Variants in TRRAP observed in about 807,000 individuals in gnomAD.
TRRAP encodes transformation/transcription domain associated protein, also known as transformation/transcription domain-associated protein.
TRRAP carries 41 observed loss-of-function variants against 438.8 expected under a neutral mutation model. The observed-to-expected ratio is 0.09, with a 90% CI of 0.07 to 0.12. The LOEUF (loss-of-function observed/expected upper bound fraction) is 0.12. TRRAP is among the 10% of genes least tolerant of loss of function. The probability of loss-of-function intolerance (pLI) is 1.00; values close to 1 mark genes in which losing one functional copy is unlikely to be tolerated. For missense variants in TRRAP, 3,122 were observed against 5,055.1 expected (o/e 0.62, Z 11.60); for synonymous variants, 1,994 against 1,962.9 (o/e 1.02, Z -0.42).
chr7:98,976,839 C>T lies in TRRAP; in HGVS notation c.8247+69C>T. ...TGACTTCACACTTTAAATAAATACT[C>T]CTCCCAAATGATTTCAAATGACAGC... is the stretch of plus-strand genomic sequence containing the variant. On this transcript the variant is annotated intron_variant, in intron 55 of 72. Transcript: ENST00000456197. The surrounding 1 kb of genome is among the most constrained non-coding windows in gnomAD (Gnocchi z 4.6). 1.9e-6 allele frequency: 3 copies of T among 1,599,620 alleles called. No individual in the cohort carries two copies. The highest frequency in any genetic ancestry group is 1.3e-5 in the African/African-American group (1 of 74,574).
At position 98,962,414 on chromosome 7, in the gene TRRAP, C is replaced by G. The variant is rs143322478; in HGVS notation, c.6816C>G (p.Pro2272=). The part of the protein sequence containing the change: ...TNYEKATNAN[P]SQLFGTLMIL... ...ACGAGAAGGCCACCAATGCCAATCC[C>G]TCCCAGCTCTTCGGTGAGTGTGTGT... The change falls in exon 47 of 73, where the codon CCC becomes CCG. Residue 2272 remains proline, a synonymous_variant. Transcript: ENST00000456197. 2.9e-5 allele frequency: 47 copies of G among 1,614,130 alleles called. No homozygotes were observed. The African/African-American group carries it at 5.7e-4, about 20-fold the overall frequency.
At chr7:98,879,147 G>C (rs1795304620) in intron 1 of TRRAP, among the ~76,000 whole-genome samples, 3 of 152,146 alleles carry the variant, frequency 2.0e-5, no homozygotes, top group Admixed American at 2.0e-4. Flanking sequence ...GGCGGGGTCT[G>C]GGGGCGGCGG....
chr7:98,964,993 G>A (rs1792086788), intron 48 of TRRAP, among the ~76,000 whole-genome samples: 1 of 152,248 alleles, frequency 6.6e-6, no homozygotes, highest in Non-Finnish European at 1.5e-5. Context: ...TGGCACGCCT[G>A]TGGTCCCAGC....
intron 18 of TRRAP, among the ~76,000 whole-genome samples, chr7:98,914,153 C>G (rs901486343): frequency 6.6e-6 from 1 of 152,040 alleles, no homozygotes; most frequent in Non-Finnish European, 1.5e-5. Flanking sequence ...CTAGCACTTC[C>G]GGAGGCTGAG....
intron 27 of TRRAP, 57 bp downstream of exon 27, chr7:98,933,459 T>C: frequency 3.2e-6 from 5 of 1,559,044 alleles, no homozygotes; most frequent in Non-Finnish European, 4.3e-6. Flanking sequence ...TCTGCTAGCC[T>C]GTCTTTGTAC....
intron 30 of TRRAP, among the ~76,000 whole-genome samples, chr7:98,941,849 A>G (rs1246891029): frequency 6.6e-6 from 1 of 152,142 alleles, no homozygotes; most frequent in Non-Finnish European, 1.5e-5. Flanking sequence ...CGGCTTCTCA[A>G]AGTTTGACAT....
intron 66 of TRRAP, among the ~76,000 whole-genome samples, 165 bp downstream of exon 66, chr7:98,993,902 A>G (rs1793533793): frequency 6.6e-6 from 1 of 152,216 alleles, no homozygotes. Context: ...GCACACTAGT[A>G]CAGCCTTAAA....
intron 11 of TRRAP, among the ~76,000 whole-genome samples, chr7:98,901,683 G>A (rs1399732296): frequency 6.6e-6 from 1 of 152,138 alleles, no homozygotes; most frequent in Non-Finnish European, 1.5e-5. Context: ...CGAGTAGCTA[G>A]GATTACAGGC....
In TRRAP at chr7:98,981,881, A is replaced by G; in HGVS notation, c.8747A>G (p.Glu2916Gly). 2 of 1,609,508 alleles carry G rather than the reference A, an allele frequency of 1.2e-6. No individual in the cohort carries two copies. The highest frequency in any genetic ancestry group is 2.7e-5 in the African/African-American group (2 of 74,966). ...CTCAGCTTCATCGAGCGCCTGGTGG[A>G]GATGGCCAGCAGCCTGGCCATCCGC... ...QQLSFIERLV[E>G]MASSLAIREW... is the part of the protein sequence containing the mutation. The change falls in exon 59 of 73, where the codon GAG becomes GGG. Residue 2916 changes from glutamate (E) to glycine (G), a missense_variant. This residue lies in a region of TRRAP where 992 missense variants were observed against 1,281.2 expected (regional missense o/e 0.77). Transcript: ENST00000456197.
chr7:98,976,841 T>C lies in TRRAP; in HGVS notation c.8247+71T>C, dbSNP rs1584383915. The C allele has an allele frequency of 6.2e-7, 1 of 1,600,022 alleles. No homozygotes were observed. The highest frequency in any genetic ancestry group is 1.7e-5 in the Admixed American group (1 of 59,048). ...ACTTCACACTTTAAATAAATACTCC[T>C]CCCAAATGATTTCAAATGACAGCAC... On this transcript the variant is annotated intron_variant, in intron 55 of 72. Transcript: ENST00000456197. The surrounding 1 kb of genome is among the most constrained non-coding windows in gnomAD (Gnocchi z 4.6).
In TRRAP at chr7:98,976,072, TG is replaced by T; in HGVS notation, c.7840-74del. The T allele has an allele frequency of 6.4e-7, 1 of 1,566,048 alleles. No individual in the cohort carries two copies. Among genetic ancestry groups the T allele is most frequent in the Non-Finnish European group, 8.7e-7 (1 of 1,150,624 alleles). ...CATCGGTAATGTATGAGACAGATCA[TG>T]GGTGTCTTCTGAGCGTGGTTGTGCG... is the stretch of plus-strand genomic sequence containing the variant. On this transcript the variant is annotated intron_variant, in intron 53 of 72. Coordinates refer to ENST00000456197, the MANE Select transcript of TRRAP (RefSeq NM_001375524.1). The surrounding 1 kb of genome is among the most constrained non-coding windows in gnomAD (Gnocchi z 4.6).
rs763439746 is a variant in TRRAP, at chr7:98,976,572, G to A, written c.8049G>A (p.Val2683=). The part of the protein sequence containing the change: ...DCQPSALNCF[V]EAMSQCVPPI... The stretch of plus-strand genomic sequence containing the variant: ...AGCCCAGCGCGCTGAACTGCTTTGT[G>A]GAAGCCATGTCCCAGTGCGTGCCGC... The change falls in exon 55 of 73, where the codon GTG becomes GTA. Residue 2683 remains valine, a synonymous_variant. Transcript: ENST00000456197. The surrounding 1 kb of genome is among the most constrained non-coding windows in gnomAD (Gnocchi z 4.6). The A allele has an allele frequency of 6.2e-7, 1 of 1,614,064 alleles. No homozygotes were observed. Among genetic ancestry groups the A allele is most frequent in the African/African-American group, 1.3e-5 (1 of 74,946 alleles).
At chr7:98,998,070 T>C (rs1793750872) in intron 67 of TRRAP, among the ~76,000 whole-genome samples, 1 of 152,160 alleles carries the variant, frequency 6.6e-6, no homozygotes, top group Admixed American at 6.5e-5. Flanking sequence ...GTGAGTAACA[T>C]GAAGTACATC....
In TRRAP at chr7:98,964,662, A is replaced by G. The variant is rs539451255; in HGVS notation, c.6863A>G (p.Asn2288Ser). 2.5e-6 allele frequency: 4 copies of G among 1,613,948 alleles called. No homozygotes were observed. The highest frequency in any genetic ancestry group is 2.5e-6 in the Non-Finnish European group (3 of 1,179,936). Reference sequence around the variant, plus strand: ...ATGATCCTCAAGTCTGCCTGCAGCAACAACCCCAGCTACATAGACAGGCTG... The same window carrying G: ...ATGATCCTCAAGTCTGCCTGCAGCAGCAACCCCAGCTACATAGACAGGCTG... Reference protein sequence around the residue: ...TLMILKSACSNNPSYIDRLIS... With the variant: ...TLMILKSACSSNPSYIDRLIS... The change falls in exon 48 of 73, where the codon AAC becomes AGC. Residue 2288 changes from asparagine (N) to serine (S), a missense_variant. Physicochemically the swap from Asn to Ser is conservative, Grantham distance 46. Around this residue, in one of 24 missense-constraint regions of TRRAP, gnomAD observed 992 missense variants for 1,281.2 expected, o/e 0.77. Coordinates refer to ENST00000456197, the MANE Select transcript of TRRAP (RefSeq NM_001375524.1).
chr7:98,985,960 C>G (rs1793132444), intron 62 of TRRAP, among the ~76,000 whole-genome samples: 1 of 152,172 alleles, frequency 6.6e-6, no homozygotes. Context: ...TCCCCTCCCC[C>G]TTTCTCTTGA....
intron 40 of TRRAP, among the ~76,000 whole-genome samples, chr7:98,953,906 C>G (rs1404120679): frequency 6.6e-6 from 1 of 152,234 alleles, no homozygotes; most frequent in Admixed American, 6.5e-5. Context: ...CCCATTCCCA[C>G]TCTGCTCTCT....
rs527866162 is a variant in TRRAP at position 98,912,341 on chromosome 7, C to T, written c.2199+128C>T. The T allele has an allele frequency of 4.1e-6, 4 of 966,236 alleles. No homozygotes were observed. In the African/African-American group the frequency reaches 6.7e-5, roughly 16 times the overall value. 59.9% of individuals were successfully genotyped at this position (966,236 alleles called of 1,614,324 possible). A position where few individuals can be genotyped will look rare whatever the true frequency, so the allele number is the denominator to read the frequency against. On this transcript the variant is annotated intron_variant, in intron 18 of 72. Transcript: ENST00000456197. ...CAAGCAATCCACCTGCCTTGATCTC[C>T]CCAGTTTTTGGGACTATAGGCACTC...
At chr7:98,981,039 G>A (rs1034412592) in intron 58 of TRRAP, among the ~76,000 whole-genome samples, 4 of 152,040 alleles carry the variant, frequency 2.6e-5, no homozygotes, top group Non-Finnish European at 5.9e-5. Context: ...GACAGAGGGG[G>A]ACCCTGTCTC....
intron 37 of TRRAP, 85 bp from the exon 38 acceptor site, chr7:98,949,979 C>T: frequency 4.4e-6 from 7 of 1,585,950 alleles, no homozygotes; most frequent in Non-Finnish European, 5.2e-6. Flanking sequence ...GGCTGTGTCT[C>T]TGAGCTGTTT....
Sources: gnomAD v4.1 joint callset for allele counts (sites outside exome capture counted in the v4.1 genomes callset) on GRCh38, gnomAD v4.1.1 for gene constraint, gnomAD v4.1.1 regional missense constraint, Gnocchi (gnomAD v3.1) non-coding constraint, MANE v1.5 for transcripts, NCBI Gene and HGNC (gene_info 2026-07-23, HGNC 2026-07-21) for gene names.